Variants in SYT10 observed in about 807,000 individuals in gnomAD.
The protein encoded by SYT10 is synaptotagmin 10, also known as synaptotagmin-10.
In SYT10, 31 loss-of-function variants were observed where a neutral mutation model predicts 51.1. That is an observed-to-expected ratio of 0.61 (90% CI 0.46 to 0.82). The LOEUF (loss-of-function observed/expected upper bound fraction) is 0.82, where lower values mean the gene tolerates loss of function less well. Ranked by LOEUF, SYT10 falls within the 40% of genes least tolerant of loss-of-function variation. The probability of loss-of-function intolerance (pLI) is 0.00; values close to 1 mark genes in which losing one functional copy is unlikely to be tolerated. For missense variants in SYT10, 603 were observed against 634.0 expected, an observed-to-expected ratio of 0.95 and a Z score of 0.53; for synonymous variants, 233 against 225.9, an observed-to-expected ratio of 1.03 and a Z score of -0.28.
chr12:33,421,027 CATAG>C (rs1235443871), intron 2 of SYT10, among the ~76,000 whole-genome samples: 1 of 152,086 alleles, frequency 6.6e-6, no homozygotes, highest in East Asian at 1.9e-4. Flanking sequence ...AGTGTTTTAG[CATAG>C]ATAATTTCAA....
chr12:33,435,822 T>C (rs1281611618), intron 1 of SYT10, among the ~76,000 whole-genome samples: 1 of 152,176 alleles, frequency 6.6e-6, no homozygotes, highest in African/African-American at 2.4e-5. Flanking sequence ...TAACTATCCC[T>C]TTTCTTGTCA....
intron 2 of SYT10, among the ~76,000 whole-genome samples, chr12:33,413,702 A>G (rs1866428020): frequency 6.6e-6 from 1 of 152,228 alleles, no homozygotes; most frequent in Non-Finnish European, 1.5e-5. Context: ...ATGGAAAGGA[A>G]CAACCGGTAC....
chr12:33,379,249 C>T (rs904413077), intron 6 of SYT10, among the ~76,000 whole-genome samples: 4 of 151,930 alleles, frequency 2.6e-5, no homozygotes, highest in South Asian at 4.1e-4. Context: ...GTAACTTGCC[C>T]GAGGTTTCAC....
At chr12:33,385,336 T>C in intron 3 of SYT10, 45 bp from the exon 4 acceptor site, 1 of 1,603,270 alleles carries the variant, frequency 6.2e-7, no homozygotes, top group Admixed American at 1.7e-5. Flanking sequence ...CATTGAAGGG[T>C]GAAAACCAAA....
At chr12:33,404,399 AT>A (rs796908596) in intron 3 of SYT10, among the ~76,000 whole-genome samples, 2 of 150,698 alleles carry the variant, frequency 1.3e-5, no homozygotes, top group African/African-American at 2.4e-5. Context: ...TTTTATTTTT[AT>A]TTTTTTTTGA....
At chr12:33,385,479 C>T in intron 3 of SYT10, among the ~76,000 whole-genome samples, 188 bp from the exon 4 acceptor site, 1 of 152,174 alleles carries the variant, frequency 6.6e-6, no homozygotes, top group African/African-American at 2.4e-5. Flanking sequence ...TATTTGCTAT[C>T]TCCACTTGTA....
chr12:33,432,023 C>T (rs1276133931), intron 1 of SYT10, among the ~76,000 whole-genome samples: 4 of 152,066 alleles, frequency 2.6e-5, no homozygotes, highest in Admixed American at 2.6e-4. Flanking sequence ...AATCAAAAAG[C>T]CACTCAGAAG....
At chr12:33,419,341 TAA>T (rs1866480701) in intron 2 of SYT10, among the ~76,000 whole-genome samples, 1 of 152,154 alleles carries the variant, frequency 6.6e-6, no homozygotes, top group Non-Finnish European at 1.5e-5. Flanking sequence ...GTCTATGACA[TAA>T]GTGTTCAATA....
intron 1 of SYT10, among the ~76,000 whole-genome samples, chr12:33,438,128 G>T (rs900968176): frequency 7.2e-5 from 11 of 152,088 alleles, no homozygotes; most frequent in Admixed American, 3.3e-4. Flanking sequence ...TGGCTTTGAC[G>T]CAGGGGTGGT....
intron 1 of SYT10, among the ~76,000 whole-genome samples, chr12:33,436,293 A>C (rs937180873): frequency 6.6e-6 from 1 of 152,178 alleles, no homozygotes; most frequent in African/African-American, 2.4e-5. Flanking sequence ...TCTAATATTA[A>C]ATCATATTGT....
chr12:33,417,344 A>C (rs951504755), intron 2 of SYT10, among the ~76,000 whole-genome samples: 1 of 151,996 alleles, frequency 6.6e-6, no homozygotes, highest in African/African-American at 2.4e-5. Flanking sequence ...AGGAAGAGAG[A>C]GCTGAGCTAG....
intron 6 of SYT10, among the ~76,000 whole-genome samples, chr12:33,378,838 GTGTGTGTGTGTT>G (rs1270208465): frequency 6.8e-6 from 1 of 147,352 alleles, no homozygotes; most frequent in African/African-American, 2.4e-5. Context: ...GTGTGTGTGT[GTGTGTGTGTGTT>G]TGTAGATGCA....
chr12:33,404,568 T>A (rs1391652443), intron 3 of SYT10, among the ~76,000 whole-genome samples: 1 of 152,036 alleles, frequency 6.6e-6, no homozygotes, highest in Admixed American at 6.5e-5. Context: ...ATTTTTTGTA[T>A]TTTTAGTAGA....
intron 3 of SYT10, 140 bp from the exon 4 acceptor site, chr12:33,385,431 C>T: frequency 8.1e-7 from 1 of 1,234,728 alleles, no homozygotes; most frequent in South Asian, 1.6e-5. Context: ...GAAAGCTATT[C>T]TGAATGCAGT....
intron 3 of SYT10, among the ~76,000 whole-genome samples, chr12:33,398,250 A>T (rs1263060100): frequency 6.6e-6 from 1 of 152,158 alleles, no homozygotes; most frequent in Non-Finnish European, 1.5e-5. Flanking sequence ...GCGGTGGCTC[A>T]CACCTGTAAT....
intron 6 of SYT10, among the ~76,000 whole-genome samples, chr12:33,378,066 C>T (rs1219100612): frequency 6.6e-6 from 1 of 152,146 alleles, no homozygotes; most frequent in African/African-American, 2.4e-5. Context: ...TCCTATAATG[C>T]ACAATCCAGC....
chr12:33,412,485 C>T (rs1866415009), intron 2 of SYT10, among the ~76,000 whole-genome samples: 1 of 151,856 alleles, frequency 6.6e-6, no homozygotes, highest in African/African-American at 2.4e-5. Context: ...AATCACAGTG[C>T]AAGTCATTTG....
At chr12:33,379,183 G>A (rs1042891434) in intron 6 of SYT10, among the ~76,000 whole-genome samples, 13 of 151,794 alleles carry the variant, frequency 8.6e-5, no homozygotes, top group African/African-American at 2.9e-4. Context: ...CATTTCTTTA[G>A]TTTTACTCTG....
chr12:33,394,336 C>T (rs530336333), intron 3 of SYT10, among the ~76,000 whole-genome samples: 1 of 152,276 alleles, frequency 6.6e-6, no homozygotes, highest in African/African-American at 2.4e-5. Context: ...AATATTGCCA[C>T]ATTTTGTTCA....
Sources: gnomAD v4.1 joint callset for allele counts (sites outside exome capture counted in the v4.1 genomes callset) on GRCh38, gnomAD v4.1.1 for gene constraint, MANE v1.5 for transcripts, NCBI Gene and HGNC (gene_info 2026-07-23, HGNC 2026-07-21) for gene names.